The following AK3 variants were observed in gnomAD, a reference collection of about 807,000 sequenced individuals.
AK3 encodes the protein GTP:AMP phosphotransferase AK3, mitochondrial.
Under a neutral mutation model 23.7 loss-of-function variants are expected in AK3, and 27 were observed. That is an observed-to-expected ratio of 1.14 (90% CI 0.84 to 1.57). AK3 has a LOEUF of 1.57. Ranked by LOEUF, AK3 falls within the 40% of genes most tolerant of loss-of-function variation. The pLI is 0.00. For missense variants in AK3, 406 were observed against 285.6 expected (o/e 1.42, Z -3.04); for synonymous variants, 159 against 116.0 (o/e 1.37, Z -2.38).
intron 1 of AK3, among the ~76,000 whole-genome samples, chr9:4,724,914 CAAAT>C (rs1412742909): frequency 6.6e-6 from 1 of 150,920 alleles, no homozygotes. Context: ...GCTCCTGGGA[CAAAT>C]AAATATCCAG....
upstream of AK3, chr9:4,741,212 C>T: frequency 8.9e-7 from 1 of 1,125,484 alleles, no homozygotes; most frequent in South Asian, 2.3e-5. Flanking sequence ...TGCGGTTCCC[C>T]GGCGTTCCCG....
chr9:4,733,022 A>G (rs1008174180), intron 1 of AK3, among the ~76,000 whole-genome samples: 6 of 150,876 alleles, frequency 4.0e-5, no homozygotes, highest in Non-Finnish European at 4.4e-5. Context: ...TTTTTTTTTT[A>G]TTTTTTGTAG....
chr9:4,718,844 C>T (rs1841810539), intron 3 of AK3, among the ~76,000 whole-genome samples: 1 of 152,168 alleles, frequency 6.6e-6, no homozygotes, highest in African/African-American at 2.4e-5. Flanking sequence ...ACTGCAAGTC[C>T]TAAATAAACC....
intron 1 of AK3, among the ~76,000 whole-genome samples, chr9:4,735,474 AT>A (rs1486614207): frequency 1.1e-5 from 1 of 87,772 alleles, no homozygotes; most frequent in Non-Finnish European, 2.1e-5. Flanking sequence ...GTGTATATAT[AT>A]ATATTTTTTT....
intron 4 of AK3, 94 bp from the exon 5 acceptor site, chr9:4,713,190 A>T: frequency 1.4e-6 from 2 of 1,474,822 alleles, no homozygotes; most frequent in Non-Finnish European, 1.8e-6. Context: ...GATATTGTAG[A>T]TATAGGAGTC....
chr9:4,732,374 C>T (rs1016912045), intron 1 of AK3, among the ~76,000 whole-genome samples: 9 of 152,160 alleles, frequency 5.9e-5, no homozygotes, highest in African/African-American at 2.2e-4. Context: ...TCCTGGTCAA[C>T]AGTAGGCTAT....
In AK3 at chr9:4,740,998, G is replaced by C. The variant is rs765592032; in HGVS notation, c.90C>G (p.His30Gln). 1.9e-6 allele frequency: 3 copies of C among 1,595,224 alleles called. 1 individual carries two copies. In the South Asian group the frequency reaches 3.4e-5, roughly 18 times the overall value. ...CGCTGGAGAGGTGCTTCAGCTCGAA[G>C]TGTGTAGTGATGCGCGACGACACGG... ...KGTVSSRITT[H>Q]FELKHLSSGD... is the part of the protein sequence containing the mutation. The change falls in exon 1 of 5, where the codon CAC becomes CAG. Residue 30 changes from histidine to glutamine, a missense_variant. Coordinates refer to ENST00000381809, the MANE Select transcript of AK3 (RefSeq NM_016282.4).
intron 3 of AK3, 130 bp from the exon 4 acceptor site, chr9:4,718,667 A>T (rs465514): frequency 0.43 from 284,842 of 669,136 alleles, 66,655 homozygotes; most frequent in African/African-American, 0.81. Context: ...AACTTTTAAA[A>T]AAATGGAATC....
At position 4,718,414 on chromosome 9, in the gene AK3, C is replaced by G. The variant is rs374917574; in HGVS notation, c.563+5G>C. On this transcript the variant is annotated splice_donor_5th_base_variant and intron_variant, in intron 4 of 4. Transcript: ENST00000381809. Reference sequence around the variant, plus strand: ...CAAGAGAAGTTCTGAAAAGCAAAAACTCACTGGTAATATTCCAGGACTGGC... The same window carrying G: ...CAAGAGAAGTTCTGAAAAGCAAAAAGTCACTGGTAATATTCCAGGACTGGC... 7 of 1,608,506 alleles carry G rather than the reference C, an allele frequency of 4.4e-6. No homozygotes were observed. In the African/African-American group the frequency reaches 6.7e-5, roughly 15 times the overall value.
rs1179541280 is a variant in AK3 at position 4,735,706 on chromosome 9, T to C, written c.151+5231A>G. ...CTGATCCCAAACCCCTGACCTCAAA[T>C]GATCCACCTTCCTCGGCCTCCCAAA... On this transcript the variant is annotated intron_variant, in intron 1 of 4. Coordinates refer to ENST00000381809, the MANE Select transcript of AK3 (RefSeq NM_016282.4). Among the ~76,000 whole-genome samples the C allele has an allele frequency of 2.7e-5, 4 of 150,420 alleles. No individual in the cohort carries two copies. In the East Asian group the frequency reaches 7.7e-4, roughly 29 times the overall value.
chr9:4,734,636 A>G (rs1401964406), intron 1 of AK3, among the ~76,000 whole-genome samples: 1 of 152,242 alleles, frequency 6.6e-6, no homozygotes, highest in African/African-American at 2.4e-5. Flanking sequence ...GCAAAAGCCT[A>G]CTTTCTTTGA....
chr9:4,724,564 A>C (rs541037175), intron 1 of AK3, among the ~76,000 whole-genome samples: 1 of 152,342 alleles, frequency 6.6e-6, no homozygotes, highest in South Asian at 2.1e-4. Flanking sequence ...ACTATGTCTA[A>C]AGCCAACGGT....
chr9:4,712,469 G>T lies in AK3; in HGVS notation c.*507C>A, dbSNP rs756477813. The T allele has an allele frequency of 6.6e-6, 1 of 152,250 alleles. No homozygotes were observed. The highest frequency in any genetic ancestry group is 2.4e-5 in the African/African-American group (1 of 41,430). The allele number at this position is 152,250 out of a possible 1,614,324, so 9.4% of individuals were successfully genotyped here. On this transcript the variant is annotated 3_prime_UTR_variant, in exon 5 of 5. Coordinates refer to ENST00000381809, the MANE Select transcript of AK3 (RefSeq NM_016282.4). ...AGTGTAAAGGCAGCAGTGAATTTGT[G>T]TCTCACAATAAATCTGTAAATCCAG...
In AK3 at chr9:4,726,340, C is replaced by T. The variant is rs139791335; in HGVS notation, c.152-3715G>A. 1.3e-5 allele frequency among the ~76,000 whole-genome samples: 2 copies of T among 152,264 alleles called. 1 individual carries two copies. The highest frequency in any genetic ancestry group is 4.1e-4 in the South Asian group (2 of 4,826). ...GCAGTGTTGTGTGATAGTATTTTAT[C>T]CACAGTAGAACTTCTTTCAAAACTG... On this transcript the variant is annotated intron_variant, in intron 1 of 4. Coordinates refer to ENST00000381809, the MANE Select transcript of AK3 (RefSeq NM_016282.4).
In AK3 at chr9:4,711,746, T is replaced by G. The variant is rs1463500078; in HGVS notation, c.*1230A>C. ...AGACCACACAGTACATCAGCAACCA[T>G]CCTTTAGATTCCAATTTTTAAATGG... is the stretch of plus-strand genomic sequence containing the variant. On this transcript the variant is annotated 3_prime_UTR_variant, in exon 5 of 5. Transcript: ENST00000381809. The G allele has an allele frequency of 6.6e-6, 1 of 152,144 alleles. No homozygotes were observed. The highest frequency in any genetic ancestry group is 2.1e-4 in the South Asian group (1 of 4,832). 9.4% of individuals were successfully genotyped at this position (152,144 alleles called of 1,614,324 possible).
intron 1 of AK3, among the ~76,000 whole-genome samples, chr9:4,722,918 T>C (rs1429503906): frequency 1.3e-5 from 2 of 152,050 alleles, no homozygotes; most frequent in Admixed American, 6.6e-5. Flanking sequence ...TAGCCGGACA[T>C]GATGGCGGGT....
chr9:4,715,196 G>A (rs1563782147), intron 4 of AK3, among the ~76,000 whole-genome samples: 1 of 125,566 alleles, frequency 8.0e-6, no homozygotes, highest in African/African-American at 3.0e-5. Context: ...TCCAACCTGA[G>A]AGAGAGTGAG....
intron 1 of AK3, among the ~76,000 whole-genome samples, chr9:4,739,690 G>C (rs111464660): frequency 0.098 from 14,955 of 151,920 alleles, 1,018 homozygotes; most frequent in African/African-American, 0.19. Context: ...CGAGCACTTT[G>C]GAAGGCCGAG....
chr9:4,736,731 A>G (rs544865150), intron 1 of AK3, among the ~76,000 whole-genome samples: 1 of 151,840 alleles, frequency 6.6e-6, no homozygotes, highest in African/African-American at 2.4e-5. Context: ...CACTGTGAGT[A>G]CTGTGGTGCT....
Sources: gnomAD v4.1 joint callset for allele counts (sites outside exome capture counted in the v4.1 genomes callset) on GRCh38, gnomAD v4.1.1 for gene constraint, MANE v1.5 for transcripts, NCBI Gene and HGNC (gene_info 2026-07-23, HGNC 2026-07-21) for gene names.